DPF2: variants seen among roughly 807,000 people sequenced by gnomAD.
DPF2 encodes zinc finger protein ubi-d4.
Under a neutral mutation model 59.6 loss-of-function variants are expected in DPF2, and 10 were observed. The ratio of observed to expected loss-of-function variants is 0.17; its 90% CI spans 0.10 to 0.28. The LOEUF is 0.28. Among genes scored for constraint, DPF2 ranks in the 10% least tolerant of loss-of-function variants. DPF2 has a pLI of 1.00. For missense variants in DPF2, 315 were observed against 509.4 expected (o/e 0.62, Z 3.67); for synonymous variants, 189 against 190.6 (o/e 0.99, Z 0.07).
At chr11:65,346,414 T>C (rs996808146) in intron 9 of DPF2, 55 bp downstream of exon 9, 65 of 1,500,076 alleles carry the variant, frequency 4.3e-5, no homozygotes, top group Non-Finnish European at 5.4e-5. Context: ...TTACTGCTGT[T>C]TGCACAGTTC....
chr11:65,344,687 C>T, intron 6 of DPF2: 2 of 1,484,600 alleles, frequency 1.3e-6, no homozygotes, highest in Non-Finnish European at 1.8e-6. Context: ...CTTGTTCCTC[C>T]TGCCTTTCTC....
rs1205061215 is a variant in DPF2 at position 65,345,746 on chromosome 11, G to A, written c.718G>A (p.Asp240Asn). 1 of 1,614,138 alleles carries A rather than the reference G, an allele frequency of 6.2e-7. No homozygotes were observed. Among genetic ancestry groups the A allele is most frequent in the African/African-American group, 1.3e-5 (1 of 75,024 alleles). The change falls in exon 7 of 11, where the codon GAC (aspartate) becomes AAC (asparagine). Residue 240 changes from aspartate to asparagine, a missense_variant. Physicochemically the swap from Asp to Asn is conservative, Grantham distance 23. Around this residue, in one of 4 missense-constraint regions of DPF2, gnomAD observed 58 missense variants for 84.6 expected, o/e 0.69. Coordinates refer to ENST00000528416, the MANE Select transcript of DPF2 (RefSeq NM_006268.5). The part of the protein sequence containing the change: ...HSHLAEEEGE[D>N]KEDSQPPTPV... ...CCACTTGGCTGAGGAGGAGGGCGAG[G>A]ACAAGGAAGACTCTCAACCACCCAC...
chr11:65,336,050 G>T (rs1950091322), intron 1 of DPF2, among the ~76,000 whole-genome samples: 1 of 151,318 alleles, frequency 6.6e-6, no homozygotes, highest in Non-Finnish European at 1.5e-5. Flanking sequence ...CTGACCTCAG[G>T]AGTTCACCCG....
rs760573239 is a variant in DPF2 at position 65,343,884 on chromosome 11, G to A, written c.558+47G>A. ...TGCATCTTGGGACAGGGTGGCCTAG[G>A]GAATTCCTTATTTTATTTCAAGTGA... On this transcript the variant is annotated intron_variant, in intron 5 of 10. Coordinates refer to ENST00000528416, the MANE Select transcript of DPF2 (RefSeq NM_006268.5). 3.8e-6 allele frequency: 6 copies of A among 1,586,976 alleles called. No homozygotes were observed. The Admixed American group carries it at 9.0e-5, about 24-fold the overall frequency.
intron 4 of DPF2, among the ~76,000 whole-genome samples, chr11:65,342,644 C>T (rs1358589182): frequency 6.6e-6 from 1 of 152,136 alleles, no homozygotes; most frequent in African/African-American, 2.4e-5. Flanking sequence ...GCCCTTTCTC[C>T]TTTAGTCTGT....
chr11:65,348,012 A>T (rs565283580), intron 9 of DPF2: 1 of 152,300 alleles, frequency 6.6e-6, no homozygotes, highest in Non-Finnish European at 1.5e-5. Context: ...AGGGACAAGG[A>T]TGGAGGCTCA....
At position 65,333,871 on chromosome 11, in the gene DPF2, C is replaced by T; in HGVS notation, c.-16C>T. 4 of 1,613,840 alleles carry T rather than the reference C, an allele frequency of 2.5e-6. No individual in the cohort carries two copies. Among genetic ancestry groups the T allele is most frequent in the Non-Finnish European group, 3.4e-6 (4 of 1,179,934 alleles). ...GACTGTGGGGCTTCTCGGCCCGAGG[C>T]AGAGGAACAGGGAAGATGGCGGCTG... On this transcript the variant is annotated 5_prime_UTR_variant, in exon 1 of 11. Coordinates refer to ENST00000528416, the MANE Select transcript of DPF2 (RefSeq NM_006268.5).
rs750317661 is a variant in DPF2 at position 65,348,909 on chromosome 11, G to A, written c.1077G>A (p.Pro359=). The A allele has an allele frequency of 1.2e-5, 19 of 1,613,988 alleles. No individual in the cohort carries two copies. The highest frequency in any genetic ancestry group is 6.7e-5 in the Admixed American group (4 of 59,984). The change falls in exon 10 of 11, where the codon CCG becomes CCA. Residue 359 remains proline, a synonymous_variant. Coordinates refer to ENST00000528416, the MANE Select transcript of DPF2 (RefSeq NM_006268.5). ...DRGYHMYCLT[P]SMSEPPEGSW... ...GCTACCACATGTACTGTCTCACCCC[G>A]TCCATGTCTGAGCCCCCTGAAGGTA... is the stretch of plus-strand genomic sequence containing the variant.
chr11:65,351,882 G>A lies in DPF2; in HGVS notation c.*123G>A, dbSNP rs1437095981. 2 of 1,134,814 alleles carry A rather than the reference G, an allele frequency of 1.8e-6. No individual in the cohort carries two copies. The highest frequency in any genetic ancestry group is 2.5e-6 in the Non-Finnish European group (2 of 791,920). 70.3% of individuals were successfully genotyped at this position (1,134,814 alleles called of 1,614,324 possible). ...AAATCCAGAGAACCTTGGGGTGGTT[G>A]TGCCAGCCTGCCTTTGGCAGCTGCA... On this transcript the variant is annotated 3_prime_UTR_variant, in exon 11 of 11. Coordinates refer to ENST00000528416, the MANE Select transcript of DPF2 (RefSeq NM_006268.5).
intron 4 of DPF2, 115 bp from the exon 5 acceptor site, chr11:65,343,630 G>C: frequency 1.1e-6 from 1 of 870,950 alleles, no homozygotes; most frequent in East Asian, 2.6e-5. Context: ...GAATGAGGCT[G>C]GTGTGGGTGG....
At position 65,349,750 on chromosome 11, in the gene DPF2, C is replaced by G. The variant is rs144003802; in HGVS notation, c.1099+819C>G. Among the ~76,000 whole-genome samples the G allele has an allele frequency of 4.2e-3, 633 of 151,590 alleles. 4 individuals carry two copies. The highest frequency in any genetic ancestry group is 6.6e-3 in the Non-Finnish European group (445 of 67,924). On this transcript the variant is annotated intron_variant, in intron 10 of 10. Coordinates refer to ENST00000528416, the MANE Select transcript of DPF2 (RefSeq NM_006268.5). ...AGCGGAGCTTGCAGTGAACCGAGAT[C>G]GCACCACTGCACTCCAGCCTGGGCG...
Position 65,348,764 on chromosome 11 carries a change from C to A in DPF2, c.1018-86C>A. 1.0e-5 allele frequency: 14 copies of A among 1,343,026 alleles called. No individual in the cohort carries two copies. The South Asian group carries it at 1.5e-4, about 15-fold the overall frequency. The allele number at this position is 1,343,026 out of a possible 1,614,324, so 83.2% of individuals were successfully genotyped here. On this transcript the variant is annotated intron_variant, in intron 9 of 10. Coordinates refer to ENST00000528416, the MANE Select transcript of DPF2 (RefSeq NM_006268.5). ...CACATCTGTTCTTACCTGCTACCTA[C>A]CCCTCTTGGAAATAGCAGTGTCCTG...
intron 1 of DPF2, among the ~76,000 whole-genome samples, chr11:65,338,814 G>C (rs944947061): frequency 1.3e-5 from 2 of 152,192 alleles, no homozygotes; most frequent in East Asian, 3.8e-4. Flanking sequence ...TCACATTCTA[G>C]AGCAGGGTTT....
chr11:65,340,262 C>T (rs746153448), intron 1 of DPF2, 123 bp from the exon 2 acceptor site: 189 of 1,145,432 alleles, frequency 1.7e-4, no homozygotes, highest in Non-Finnish European at 2.1e-4. Flanking sequence ...GCAAATAGAA[C>T]GGAAGAGACA....
chr11:65,340,344 C>A (rs1207713758), intron 1 of DPF2, 41 bp from the exon 2 acceptor site: 4 of 1,605,068 alleles, frequency 2.5e-6, no homozygotes, highest in Non-Finnish European at 3.4e-6. Context: ...CCCTATGCCC[C>A]CCGCTCCAAC....
chr11:65,350,914 G>A (rs938832786), intron 10 of DPF2, among the ~76,000 whole-genome samples: 18 of 151,760 alleles, frequency 1.2e-4, no homozygotes, highest in Middle Eastern at 3.4e-3. Context: ...GGGAGGCAGA[G>A]GTTAGAGTAA....
At chr11:65,349,054 C>A in intron 10 of DPF2, 123 bp downstream of exon 10, 1 of 1,109,886 alleles carries the variant, frequency 9.0e-7, no homozygotes, top group Non-Finnish European at 1.3e-6. Context: ...AAGCACCTTG[C>A]CTTGGCTCAG....
At chr11:65,344,701 T>C in intron 6 of DPF2, 5 of 1,440,900 alleles carry the variant, frequency 3.5e-6, no homozygotes, top group Non-Finnish European at 3.8e-6. Context: ...CTTTCTCATT[T>C]CCTGGGATGC....
chr11:65,336,812 C>G (rs1854167810), intron 1 of DPF2, among the ~76,000 whole-genome samples: 2 of 122,004 alleles, frequency 1.6e-5, no homozygotes, highest in Admixed American at 1.7e-4. Context: ...AAAAAGAAGC[C>G]GGGCACGGTG....
Sources: gnomAD v4.1 joint callset for allele counts (sites outside exome capture counted in the v4.1 genomes callset) on GRCh38, gnomAD v4.1.1 for gene constraint, gnomAD v4.1.1 regional missense constraint, MANE v1.5 for transcripts, NCBI Gene and HGNC (gene_info 2026-07-23, HGNC 2026-07-21) for gene names.